The following ODAD2 variants were observed in gnomAD, a reference collection of about 807,000 sequenced individuals.
The protein encoded by ODAD2 is outer dynein arm-docking complex subunit 2.
A neutral mutation model predicts 106.8 loss-of-function variants in ODAD2; 89 were observed. The ratio of observed to expected loss-of-function variants is 0.83; its 90% CI spans 0.70 to 0.99. The LOEUF is 0.99. Ranked by LOEUF, ODAD2 falls within the 50% of genes least tolerant of loss-of-function variation. ODAD2 has a pLI of 0.00. For synonymous variants in ODAD2, 404 were observed against 436.2 expected, an observed-to-expected ratio of 0.93 and a Z score of 0.92; for missense variants, 1,168 against 1,238.5, an observed-to-expected ratio of 0.94 and a Z score of 0.85.
intron 10 of ODAD2, among the ~76,000 whole-genome samples, chr10:27,961,023 C>A (rs866334447): frequency 6.6e-6 from 1 of 152,098 alleles, no homozygotes; most frequent in African/African-American, 2.4e-5. Context: ...TATATGCTAT[C>A]TGACGTGAGA....
At chr10:27,934,235 G>A (rs1845805938) in intron 16 of ODAD2, among the ~76,000 whole-genome samples, 1 of 151,868 alleles carries the variant, frequency 6.6e-6, no homozygotes, top group African/African-American at 2.4e-5. Context: ...CCAGTTTCGG[G>A]TATGTCTTTA....
chr10:27,982,916 T>C (rs143430293), intron 6 of ODAD2, among the ~76,000 whole-genome samples: 12 of 152,318 alleles, frequency 7.9e-5, no homozygotes, highest in Admixed American at 6.5e-4. Context: ...AGCCTCTACT[T>C]TGTGCTACTC....
chr10:27,953,972 A>G (rs4600119), intron 10 of ODAD2, among the ~76,000 whole-genome samples: 81,131 of 151,994 alleles, frequency 0.53, 21,843 homozygotes, highest in Middle Eastern at 0.65. Context: ...CCCTGCGAGA[A>G]AAATCTCAAA....
chr10:27,915,446 T>C (rs1844292517), intron 16 of ODAD2, among the ~76,000 whole-genome samples: 1 of 152,076 alleles, frequency 6.6e-6, no homozygotes, highest in South Asian at 2.1e-4. Flanking sequence ...CGGGGACTCT[T>C]TTAAAAGGGC....
At position 27,995,458 on chromosome 10, in the gene ODAD2, T is replaced by G. The variant is rs1850504851; in HGVS notation, c.-38-278A>C. Among the ~76,000 whole-genome samples the G allele has an allele frequency of 1.2e-4, 18 of 152,138 alleles. 3 individuals are homozygous for G. The South Asian group carries it at 3.7e-3, about 32-fold the overall frequency. ...GCCTAAGAGAGAGGATTCAAACAGATAGGCATAAAACCCAAATAGAAAACT... is the reference window on the plus strand; with the variant it reads ...GCCTAAGAGAGAGGATTCAAACAGAGAGGCATAAAACCCAAATAGAAAACT... On this transcript the variant is annotated intron_variant, in intron 1 of 19. Coordinates refer to ENST00000305242, the MANE Select transcript of ODAD2 (RefSeq NM_018076.5).
intron 9 of ODAD2, 102 bp from the exon 10 acceptor site, chr10:27,961,817 T>A (rs1322604894): frequency 1.7e-4 from 169 of 980,222 alleles, no homozygotes; most frequent in Non-Finnish European, 1.8e-5. Context: ...ATAATCTCAG[T>A]GCTTTGGGAG....
chr10:27,954,946 GGCTGTTTTTA>G (rs1335071892), intron 10 of ODAD2, among the ~76,000 whole-genome samples: 2 of 152,064 alleles, frequency 1.3e-5, no homozygotes, highest in Admixed American at 6.6e-5. Flanking sequence ...ATTCTGAGTA[GGCTGTTTTTA>G]GCTGATGGAA....
intron 19 of ODAD2, among the ~76,000 whole-genome samples, chr10:27,836,368 A>T (rs1377054918): frequency 1.3e-5 from 2 of 152,162 alleles, no homozygotes; most frequent in African/African-American, 4.8e-5. Flanking sequence ...CTAACACCAA[A>T]CACACACTCA....
intron 17 of ODAD2, among the ~76,000 whole-genome samples, chr10:27,865,696 C>T (rs996050813): frequency 3.9e-5 from 6 of 152,228 alleles, no homozygotes; most frequent in African/African-American, 1.4e-4. Flanking sequence ...AGTAGATACT[C>T]AACTAACATT....
intron 19 of ODAD2, among the ~76,000 whole-genome samples, chr10:27,844,247 GA>G (rs1278147774): frequency 3.9e-5 from 6 of 152,170 alleles, no homozygotes; most frequent in Non-Finnish European, 7.3e-5. Context: ...CCAGCTGCAA[GA>G]GCAGCAAAGG....
chr10:27,849,108 T>C (rs1839041761), intron 19 of ODAD2, among the ~76,000 whole-genome samples: 1 of 152,214 alleles, frequency 6.6e-6, no homozygotes, highest in Non-Finnish European at 1.5e-5. Context: ...CACACGTATG[T>C]TTACTGCGTC....
At chr10:27,987,282 TC>T in intron 3 of ODAD2, 103 bp downstream of exon 3, 2 of 1,027,908 alleles carry the variant, frequency 1.9e-6, no homozygotes, top group Non-Finnish European at 2.8e-6. Context: ...GATTGTAGAA[TC>T]TTTTTCAAGA....
At chr10:27,890,338 G>A (rs1408875749) in intron 17 of ODAD2, among the ~76,000 whole-genome samples, 2 of 152,074 alleles carry the variant, frequency 1.3e-5, no homozygotes, top group African/African-American at 4.8e-5. Flanking sequence ...GGGCACTCTT[G>A]GCTGAGGTGA....
At chr10:27,819,024 G>A (rs1222847259) in intron 19 of ODAD2, among the ~76,000 whole-genome samples, 1 of 152,140 alleles carries the variant, frequency 6.6e-6, no homozygotes, top group East Asian at 1.9e-4. Context: ...ACCTCTGGGG[G>A]TCACTGCAAA....
chr10:27,889,011 G>A (rs1304748837), intron 17 of ODAD2, among the ~76,000 whole-genome samples: 3 of 152,164 alleles, frequency 2.0e-5, no homozygotes, highest in African/African-American at 7.2e-5. Context: ...AGCATGTTGA[G>A]TTTAGGTCCA....
At chr10:27,919,795 G>A (rs1336977192) in intron 16 of ODAD2, among the ~76,000 whole-genome samples, 1 of 152,080 alleles carries the variant, frequency 6.6e-6, no homozygotes, top group Admixed American at 6.6e-5. Context: ...CTAATCTATA[G>A]TAATGGAAAT....
At chr10:27,927,650 C>T (rs898349965) in intron 16 of ODAD2, among the ~76,000 whole-genome samples, 6 of 152,132 alleles carry the variant, frequency 3.9e-5, no homozygotes. Flanking sequence ...CTTATCTTAC[C>T]AGGCCTTGCT....
chr10:27,975,162 T>G (rs1257493461), intron 7 of ODAD2, among the ~76,000 whole-genome samples: 3 of 152,186 alleles, frequency 2.0e-5, no homozygotes, highest in Non-Finnish European at 4.4e-5. Flanking sequence ...GATCCCTTGT[T>G]TTATATGCTC....
chr10:27,823,652 C>T (rs954506022), intron 19 of ODAD2, among the ~76,000 whole-genome samples: 4 of 152,188 alleles, frequency 2.6e-5, no homozygotes, highest in Non-Finnish European at 5.9e-5. Flanking sequence ...GACTTGGAGA[C>T]TGTTGTTGAC....
Sources: gnomAD v4.1 joint callset for allele counts (sites outside exome capture counted in the v4.1 genomes callset) on GRCh38, gnomAD v4.1.1 for gene constraint, MANE v1.5 for transcripts, NCBI Gene and HGNC (gene_info 2026-07-23, HGNC 2026-07-21) for gene names.